The following ARHGEF12 variants were observed in gnomAD, a reference collection of about 807,000 sequenced individuals.
The protein encoded by ARHGEF12 is Rho guanine nucleotide exchange factor 12.
Under a neutral mutation model 211.2 loss-of-function variants are expected in ARHGEF12, and 66 were observed. The observed-to-expected ratio is 0.31, with a 90% CI of 0.26 to 0.38. The LOEUF (loss-of-function observed/expected upper bound fraction) is 0.38. ARHGEF12 is among the 10% of genes least tolerant of loss of function. ARHGEF12 has a pLI of 1.00. For synonymous variants in ARHGEF12, 592 were observed against 638.4 expected (o/e 0.93, Z 1.09); for missense variants, 1,429 against 1,869.5 (o/e 0.76, Z 4.34).
chr11:120,420,803 C>T lies in ARHGEF12; in HGVS notation c.250C>T (p.Leu84=). The T allele has an allele frequency of 6.2e-7, 1 of 1,614,116 alleles. No individual in the cohort carries two copies. The highest frequency in any genetic ancestry group is 8.5e-7 in the Non-Finnish European group (1 of 1,179,998). Residue 84 remains leucine (L), a synonymous_variant, in exon 5 of 41, where the codon CTG becomes TTG. Coordinates refer to ENST00000397843, the MANE Select transcript of ARHGEF12 (RefSeq NM_015313.3). The stretch of plus-strand genomic sequence containing the variant: ...CCAGAAAGATGACAATGGATTTGGG[C>T]TGACGGTCAGTGGAGACAATCCAGT... ...IIQKDDNGFG[L]TVSGDNPVFV...
chr11:120,479,957 T>G lies in ARHGEF12; in HGVS notation c.3767-3T>G, dbSNP rs929106035. The G allele has an allele frequency of 7.5e-6, 12 of 1,608,382 alleles. No individual in the cohort carries two copies. The African/African-American group carries it at 9.4e-5, about 13-fold the overall frequency. Reference sequence around the variant, plus strand: ...TTTTCCCCCTCCTTCCTAAATCGTTTAGTGGGTTTGTTGAAGCAGTTGCTG... The same window carrying G: ...TTTTCCCCCTCCTTCCTAAATCGTTGAGTGGGTTTGTTGAAGCAGTTGCTG... On this transcript the variant is annotated splice_polypyrimidine_tract_variant and splice_region_variant and intron_variant, in intron 37 of 40. Transcript: ENST00000397843.
At chr11:120,479,384 G>A (rs1232345873) in intron 37 of ARHGEF12, among the ~76,000 whole-genome samples, 1 of 152,174 alleles carries the variant, frequency 6.6e-6, no homozygotes, top group East Asian at 1.9e-4. Context: ...AATTTCTGAT[G>A]GTTGGAATAA....
At chr11:120,479,886 C>T in intron 37 of ARHGEF12, 74 bp from the exon 38 acceptor site, 2 of 1,240,248 alleles carry the variant, frequency 1.6e-6, no homozygotes, top group Non-Finnish European at 2.3e-6. Context: ...GGTAAGTCAG[C>T]TAATTTAATT....
At chr11:120,465,215 G>A (rs1307136998) in intron 27 of ARHGEF12, 22 bp from the exon 28 acceptor site, 45 of 1,613,480 alleles carry the variant, frequency 2.8e-5, no homozygotes, top group Non-Finnish European at 3.7e-5. Context: ...TCTCTTTTGT[G>A]TTCTTTGCAT....
At chr11:120,415,660 A>T (rs1304934239) in intron 4 of ARHGEF12, among the ~76,000 whole-genome samples, 1 of 152,184 alleles carries the variant, frequency 6.6e-6, no homozygotes, top group Non-Finnish European at 1.5e-5. Context: ...AATGAGAGGG[A>T]ACATAATAGA....
chr11:120,371,362 C>G (rs900981605), intron 1 of ARHGEF12, among the ~76,000 whole-genome samples: 3 of 152,174 alleles, frequency 2.0e-5, no homozygotes, highest in African/African-American at 7.2e-5. Context: ...CTGGCGCATG[C>G]CTGTAATCCC....
intron 5 of ARHGEF12, among the ~76,000 whole-genome samples, chr11:120,421,410 A>T (rs1945181127): frequency 1.3e-5 from 2 of 150,552 alleles, no homozygotes; most frequent in African/African-American, 4.9e-5. Context: ...TTGAATGTAA[A>T]GTCTGACTTT....
rs192342880 is a variant in ARHGEF12 at position 120,435,199 on chromosome 11, G to A, written c.925-2109G>A. 1.6e-3 allele frequency among the ~76,000 whole-genome samples: 242 copies of A among 151,056 alleles called. 2 individuals are homozygous for A. The highest frequency in any genetic ancestry group is 5.5e-3 in the African/African-American group (228 of 41,144). On this transcript the variant is annotated intron_variant, in intron 11 of 40. Coordinates refer to ENST00000397843, the MANE Select transcript of ARHGEF12 (RefSeq NM_015313.3). ...ATAGTTTCCTTCTTTTTTTTCCTTGGCCATTTGTTGTTGTGGTTGTTGTTA... is the reference window on the plus strand; with the variant it reads ...ATAGTTTCCTTCTTTTTTTTCCTTGACCATTTGTTGTTGTGGTTGTTGTTA...
At position 120,337,089 on chromosome 11, in the gene ARHGEF12, A is replaced by T; in HGVS notation, c.-155A>T. 1.2e-6 allele frequency: 1 copy of T among 836,086 alleles called. No homozygotes were observed. Among genetic ancestry groups the T allele is most frequent in the Non-Finnish European group, 2.0e-6 (1 of 509,678 alleles). 51.8% of individuals were successfully genotyped at this position (836,086 alleles called of 1,614,324 possible). A position where few individuals can be genotyped will look rare whatever the true frequency, so the allele number is the denominator to read the frequency against. On this transcript the variant is annotated 5_prime_UTR_variant, in exon 1 of 41. Coordinates refer to ENST00000397843, the MANE Select transcript of ARHGEF12 (RefSeq NM_015313.3). ...TCCAAGCCGCATCCGTTGACCCCTT[A>T]CAGTCGGATGGTCTAGATGACTGAA... is the stretch of plus-strand genomic sequence containing the variant.
intron 29 of ARHGEF12, among the ~76,000 whole-genome samples, chr11:120,468,549 A>G (rs1218447803): frequency 6.6e-6 from 1 of 152,206 alleles, no homozygotes; most frequent in African/African-American, 2.4e-5. Context: ...CCCGGGTTCA[A>G]GCAATTCCCC....
chr11:120,447,572 A>T (rs1267358862), intron 18 of ARHGEF12, among the ~76,000 whole-genome samples: 1 of 151,582 alleles, frequency 6.6e-6, no homozygotes, highest in South Asian at 2.1e-4. Context: ...TAATCCCAGC[A>T]CTTTGGGAGG....
intron 11 of ARHGEF12, 67 bp from the exon 12 acceptor site, chr11:120,437,241 C>CT: frequency 8.9e-7 from 1 of 1,124,716 alleles, no homozygotes. Flanking sequence ...TTTTTTCACA[C>CT]TTTTTTCCCT....
At chr11:120,462,216 G>T (rs2135911291) in intron 27 of ARHGEF12, among the ~76,000 whole-genome samples, 1 of 152,198 alleles carries the variant, frequency 6.6e-6, no homozygotes, top group South Asian at 2.1e-4. Flanking sequence ...ATTGTTAATT[G>T]GCCCAAATTC....
intron 37 of ARHGEF12, 102 bp from the exon 38 acceptor site, chr11:120,479,858 T>G (rs1947175098): frequency 1.1e-6 from 1 of 933,488 alleles, no homozygotes; most frequent in African/African-American, 1.7e-5. Context: ...AAAAGATACT[T>G]TTTAAAGATA....
chr11:120,469,379 A>T lies in ARHGEF12; in HGVS notation c.2946A>T (p.Glu982Asp). 6.2e-7 allele frequency: 1 copy of T among 1,611,678 alleles called. No homozygotes were observed. Among genetic ancestry groups the T allele is most frequent in the East Asian group, 2.2e-5 (1 of 44,842 alleles). Residue 982 changes from glutamate (E) to aspartate (D), a missense_variant, in exon 30 of 41, where the codon GAA becomes GAT. By Grantham distance (45) the Glu-to-Asp change is conservative (BLOSUM62 2). Transcript: ENST00000397843. ...TAAATCAGGCTGTCAAGGAGGCAGA[A>T]AACAAGCAGGTAAAAAAGGAAAACA... ...NYVNQAVKEA[E>D]NKQRLEDYQR...
chr11:120,479,161 G>A (rs942788769), intron 37 of ARHGEF12, among the ~76,000 whole-genome samples: 10 of 152,170 alleles, frequency 6.6e-5, no homozygotes, highest in African/African-American at 2.2e-4. Flanking sequence ...AGAGAGGTTA[G>A]GAAGAGATAG....
chr11:120,396,506 G>A (rs1401591118), intron 1 of ARHGEF12, among the ~76,000 whole-genome samples: 2 of 152,156 alleles, frequency 1.3e-5, no homozygotes, highest in African/African-American at 4.8e-5. Flanking sequence ...ATCCTCTGAT[G>A]GGTGATGAAA....
chr11:120,355,270 A>G (rs1187803651), intron 1 of ARHGEF12, among the ~76,000 whole-genome samples: 1 of 152,208 alleles, frequency 6.6e-6, no homozygotes, highest in Non-Finnish European at 1.5e-5. Flanking sequence ...GTCACACCCA[A>G]TAAATTATTG....
intron 3 of ARHGEF12, 180 bp from the exon 4 acceptor site, chr11:120,409,214 A>AAATATGTC (rs1944809751): frequency 3.6e-6 from 2 of 553,634 alleles, no homozygotes; most frequent in African/African-American, 3.8e-5. Flanking sequence ...TAAATCTTTA[A>AAATATGTC]AATATGTCAT....
Sources: gnomAD v4.1 joint callset for allele counts (sites outside exome capture counted in the v4.1 genomes callset) on GRCh38, gnomAD v4.1.1 for gene constraint, MANE v1.5 for transcripts, NCBI Gene and HGNC (gene_info 2026-07-23, HGNC 2026-07-21) for gene names.